FKBP15: variants seen among roughly 807,000 people sequenced by gnomAD.
FKBP15 encodes FK506-binding protein 15.
A neutral mutation model predicts 158.1 loss-of-function variants in FKBP15; 106 were observed. That is an observed-to-expected ratio of 0.67 (90% CI 0.57 to 0.79). The LOEUF (loss-of-function observed/expected upper bound fraction) is 0.79. Ranked by LOEUF, FKBP15 falls within the 30% of genes least tolerant of loss-of-function variation. FKBP15 has a pLI of 0.00. For missense variants in FKBP15, 1,287 were observed against 1,479.1 expected, an observed-to-expected ratio of 0.87 and a Z score of 2.13; for synonymous variants, 547 against 548.6, an observed-to-expected ratio of 1.00 and a Z score of 0.04.
chr9:113,187,822 C>T lies in FKBP15; in HGVS notation c.1354G>A (p.Ala452Thr). The T allele has an allele frequency of 6.2e-7, 1 of 1,613,908 alleles. No homozygotes were observed. Among genetic ancestry groups the T allele is most frequent in the Non-Finnish European group, 8.5e-7 (1 of 1,179,824 alleles). Residue 452 changes from alanine (A) to threonine (T), a missense_variant, in exon 14 of 28, where the codon GCT becomes ACT. Physicochemically the swap from Ala to Thr is moderately conservative, Grantham distance 58. Coordinates refer to ENST00000238256, the MANE Select transcript of FKBP15 (RefSeq NM_015258.2). ...AAGGATTGGGCATTTCCAGATACAGCTGAGTGGGAATCGAGAGATGACACT... is the reference window on the plus strand; with the variant it reads ...AAGGATTGGGCATTTCCAGATACAGTTGAGTGGGAATCGAGAGATGACACT... ...MQVSSLDSHS[A>T]VSGNAQSFQP... is the part of the protein sequence containing the mutation.
At position 113,170,551 on chromosome 9, in the gene FKBP15, T is replaced by C. The variant is rs551071475; in HGVS notation, c.2737A>G (p.Ile913Val). The C allele has an allele frequency of 1.6e-4, 252 of 1,613,748 alleles. 2 individuals are homozygous for C. The South Asian group carries it at 2.3e-3, about 15-fold the overall frequency. ...ELEESYNGRT[I>V]LGTIMNTIKM... Reference sequence around the variant, plus strand: ...ATCGTATTCATGATGGTTCCCAGAATGGTCCTGCCATTGTAAGATTCCTCC... The same window carrying C: ...ATCGTATTCATGATGGTTCCCAGAACGGTCCTGCCATTGTAAGATTCCTCC... Residue 913 changes from isoleucine (I) to valine (V), a missense_variant, in exon 25 of 28, where the codon ATT becomes GTT. Ile to Val is a conservative substitution (Grantham distance 29). Transcript: ENST00000238256.
At chr9:113,176,305 A>T (rs1265849319) in intron 21 of FKBP15, among the ~76,000 whole-genome samples, 1 of 152,220 alleles carries the variant, frequency 6.6e-6, no homozygotes, top group Non-Finnish European at 1.5e-5. Flanking sequence ...TATGTGTGTG[A>T]GAGTGTGAAT....
chr9:113,204,865 G>T (rs183425004), intron 4 of FKBP15, among the ~76,000 whole-genome samples: 85 of 152,114 alleles, frequency 5.6e-4, no homozygotes, highest in African/African-American at 2.0e-3. Context: ...CATCCCTTTT[G>T]TACTTTTCCT....
At position 113,176,472 on chromosome 9, in the gene FKBP15, T is replaced by C. The variant is rs572639775; in HGVS notation, c.2223+65A>G. 3.3e-6 allele frequency: 5 copies of C among 1,499,854 alleles called. No individual in the cohort carries two copies. In the South Asian group the frequency reaches 6.4e-5, roughly 19 times the overall value. The allele number at this position is 1,499,854 out of a possible 1,614,324, so 92.9% of individuals were successfully genotyped here. On this transcript the variant is annotated intron_variant, in intron 21 of 27. Transcript: ENST00000238256. ...ACAATAAGCACATACTATTGTAATT[T>C]GTAAAAGGAAAATAAAAATGTTTAT...
Position 113,169,660 on chromosome 9 carries a change from G to T in FKBP15, c.3049C>A (p.Leu1017Ile). 1 of 1,613,992 alleles carries T rather than the reference G, an allele frequency of 6.2e-7. No homozygotes were observed. The highest frequency in any genetic ancestry group is 8.5e-7 in the Non-Finnish European group (1 of 1,179,878). The change falls in exon 26 of 28, where the codon CTC (leucine) becomes ATC (isoleucine). Residue 1017 changes from leucine (L) to isoleucine (I), a missense_variant. By Grantham distance (5) the Leu-to-Ile change is conservative (BLOSUM62 2). Coordinates refer to ENST00000238256, the MANE Select transcript of FKBP15 (RefSeq NM_015258.2). ...RRKGDSEAEALSEIKDGSLPP... is the reference protein window; with the variant it reads ...RRKGDSEAEAISEIKDGSLPP... The stretch of plus-strand genomic sequence containing the variant: ...AGGGAACCATCTTTTATCTCTGAGA[G>T]TGCCTCAGCTTCTGAGTCCCCTTTC...
At chr9:113,179,997 A>G (rs1830364244) in intron 19 of FKBP15, among the ~76,000 whole-genome samples, 1 of 152,222 alleles carries the variant, frequency 6.6e-6, no homozygotes, top group African/African-American at 2.4e-5. Context: ...TGAAAACAAA[A>G]CTAACTCAGA....
rs371094180 is a variant in FKBP15 at position 113,176,612 on chromosome 9, T to C, written c.2148A>G (p.Lys716=). The C allele has an allele frequency of 1.9e-5, 30 of 1,598,434 alleles. No homozygotes were observed. The African/African-American group carries it at 3.5e-4, about 19-fold the overall frequency. Residue 716 remains lysine (K), a synonymous_variant, in exon 21 of 28, where the codon AAA becomes AAG. Coordinates refer to ENST00000238256, the MANE Select transcript of FKBP15 (RefSeq NM_015258.2). ...GGGATGTCACCTTGAGTTCCAGTTGTTTCCGGTTCTGCTTTTCACTTTTGA... is the reference window on the plus strand; with the variant it reads ...GGGATGTCACCTTGAGTTCCAGTTGCTTCCGGTTCTGCTTTTCACTTTTGA... ...SKFKSEKQNR[K]QLELKVTSLE...
chr9:113,192,668 C>G (rs1361313842), intron 11 of FKBP15, among the ~76,000 whole-genome samples: 1 of 152,136 alleles, frequency 6.6e-6, no homozygotes, highest in Non-Finnish European at 1.5e-5. Flanking sequence ...ATGATAATAA[C>G]AAGAGCTAAT....
At position 113,178,873 on chromosome 9, in the gene FKBP15, A is replaced by G. The variant is rs984355926; in HGVS notation, c.1915-72T>C. On this transcript the variant is annotated intron_variant, in intron 19 of 27. Transcript: ENST00000238256. The stretch of plus-strand genomic sequence containing the variant: ...CATGCAGGTGATGAACCAACCTCAC[A>G]TAACTCTATGTAGACTGAACTAGTA... 8 of 1,429,468 alleles carry G rather than the reference A, an allele frequency of 5.6e-6. No individual in the cohort carries two copies. The African/African-American group carries it at 1.1e-4, about 20-fold the overall frequency. The allele number at this position is 1,429,468 out of a possible 1,614,324, so 88.5% of individuals were successfully genotyped here. A position where few individuals can be genotyped will look rare whatever the true frequency, so the allele number is the denominator to read the frequency against.
intron 10 of FKBP15, 122 bp downstream of exon 10, chr9:113,193,905 G>C: frequency 8.4e-7 from 1 of 1,191,404 alleles, no homozygotes; most frequent in East Asian, 2.7e-5. Context: ...CCATTTCCCT[G>C]ATCCCATTTT....
Position 113,184,513 on chromosome 9 carries a change from T to C in FKBP15, c.1609-114A>G. 1 of 959,596 alleles carries C rather than the reference T, an allele frequency of 1.0e-6. No individual in the cohort carries two copies. Among genetic ancestry groups the C allele is most frequent in the Non-Finnish European group, 1.6e-6 (1 of 620,300 alleles). The allele number at this position is 959,596 out of a possible 1,614,324, so 59.4% of individuals were successfully genotyped here. A position where few individuals can be genotyped will look rare whatever the true frequency, so the allele number is the denominator to read the frequency against. ...GTTAATGAGTTCCTGGGACAATCTCTAACTGTTAAGTTAGAGTTTTCTCCT... is the reference window on the plus strand; with the variant it reads ...GTTAATGAGTTCCTGGGACAATCTCCAACTGTTAAGTTAGAGTTTTCTCCT... On this transcript the variant is annotated intron_variant, in intron 16 of 27. Transcript: ENST00000238256. This position sits in a 1 kb window ranked among gnomAD's most constrained non-coding sequence, Gnocchi z 4.5.
chr9:113,211,600 T>G lies in FKBP15; in HGVS notation c.54-8A>C, dbSNP rs1245794356. On this transcript the variant is annotated splice_polypyrimidine_tract_variant and splice_region_variant and intron_variant, in intron 1 of 27. Transcript: ENST00000238256. ...AGTGAGGCCAATCTGGCACTGTTAGTAGAAAATGAAAAATGAAATTTCACT... is the reference window on the plus strand; with the variant it reads ...AGTGAGGCCAATCTGGCACTGTTAGGAGAAAATGAAAAATGAAATTTCACT... The G allele has an allele frequency of 6.4e-7, 1 of 1,573,954 alleles. No homozygotes were observed. The highest frequency in any genetic ancestry group is 1.8e-5 in the Admixed American group (1 of 54,366).
rs1373182237 is a variant in FKBP15, at chr9:113,221,125, C to A, written c.53+66G>T. 4 of 1,503,856 alleles carry A rather than the reference C, an allele frequency of 2.7e-6. No individual in the cohort carries two copies. In the South Asian group the frequency reaches 3.8e-5, roughly 14 times the overall value. The allele number at this position is 1,503,856 out of a possible 1,614,324, so 93.2% of individuals were successfully genotyped here. ...GGAAAAGGCCTGAGAAGAGATCGACCCCCCTCCAACAATCCGCCGGTATCT... is the reference window on the plus strand; with the variant it reads ...GGAAAAGGCCTGAGAAGAGATCGACACCCCTCCAACAATCCGCCGGTATCT... On this transcript the variant is annotated intron_variant, in intron 1 of 27. Transcript: ENST00000238256.
At position 113,184,545 on chromosome 9, in the gene FKBP15, T is replaced by C; in HGVS notation, c.1609-146A>G. ...TAAGTTAGAGTTTTCTCCTACTAAC[T>C]GGATCCCAACATAATTATAACTATC... On this transcript the variant is annotated intron_variant, in intron 16 of 27. Coordinates refer to ENST00000238256, the MANE Select transcript of FKBP15 (RefSeq NM_015258.2). The surrounding 1 kb of genome is among the most constrained non-coding windows in gnomAD (Gnocchi z 4.5). 3.3e-6 allele frequency: 3 copies of C among 910,110 alleles called. No homozygotes were observed. Among genetic ancestry groups the C allele is most frequent in the Non-Finnish European group, 3.4e-6 (2 of 579,768 alleles). The allele number at this position is 910,110 out of a possible 1,614,324, so 56.4% of individuals were successfully genotyped here.
chr9:113,192,636 A>G (rs1188153292), intron 11 of FKBP15, among the ~76,000 whole-genome samples: 1 of 152,188 alleles, frequency 6.6e-6, no homozygotes, highest in Non-Finnish European at 1.5e-5. Flanking sequence ...AAGTATAAAG[A>G]TATGTAATGT....
intron 4 of FKBP15, 24 bp from the exon 5 acceptor site, chr9:113,203,059 GA>G (rs10568341): frequency 0.33 from 403,293 of 1,204,372 alleles, 47,086 homozygotes; most frequent in Non-Finnish European, 0.35. Context: ...ACGACAGATA[GA>G]AAAAAAAAAA....
At chr9:113,220,840 T>C (rs1831235723) in intron 1 of FKBP15, among the ~76,000 whole-genome samples, 1 of 152,136 alleles carries the variant, frequency 6.6e-6, no homozygotes, top group Non-Finnish European at 1.5e-5. Context: ...GCCTTCTCCA[T>C]GGAGAAAAGA....
intron 9 of FKBP15, 55 bp from the exon 10 acceptor site, chr9:113,194,224 C>T: frequency 4.4e-6 from 6 of 1,375,684 alleles, no homozygotes; most frequent in Non-Finnish European, 6.0e-6. Context: ...AATGAGATCA[C>T]ATGGACACAG....
At chr9:113,215,966 A>T (rs1245371131) in intron 1 of FKBP15, among the ~76,000 whole-genome samples, 1 of 151,796 alleles carries the variant, frequency 6.6e-6, no homozygotes, top group African/African-American at 2.4e-5. Flanking sequence ...AATATTTTTG[A>T]ATATTAAGAG....
Sources: allele counts gnomAD v4.1 joint callset (sites outside exome capture counted in the v4.1 genomes callset), GRCh38; gene constraint gnomAD v4.1.1; non-coding constraint Gnocchi (gnomAD v3.1); transcripts MANE v1.5; gene names NCBI Gene and HGNC (gene_info 2026-07-23, HGNC 2026-07-21).